The following IL10RA variants were observed in gnomAD, a reference collection of about 807,000 sequenced individuals.
IL10RA encodes the protein interleukin-10 receptor subunit alpha.
Under a neutral mutation model 29.6 loss-of-function variants are expected in IL10RA, and 18 were observed. That is an observed-to-expected ratio of 0.61 (90% CI 0.42 to 0.90). The LOEUF (loss-of-function observed/expected upper bound fraction) is 0.90. Ranked by LOEUF, IL10RA falls within the 40% of genes least tolerant of loss-of-function variation. IL10RA has a pLI of 0.00. For missense variants in IL10RA, 634 were observed against 716.6 expected (o/e 0.88, Z 1.32); for synonymous variants, 292 against 294.1 (o/e 0.99, Z 0.07).
intron 1 of IL10RA, chr11:117,988,162 C>T: frequency 1.7e-6 from 1 of 600,520 alleles, no homozygotes. Flanking sequence ...GCCCCCACTG[C>T]AGCTTCTGAT....
chr11:117,996,694 G>C (rs1362296665), intron 6 of IL10RA, among the ~76,000 whole-genome samples: 1 of 152,220 alleles, frequency 6.6e-6, no homozygotes, highest in African/African-American at 2.4e-5. Context: ...AGGTTCCAGT[G>C]ATTCTCCTGC....
chr11:117,996,632 G>A (rs2058058284), intron 6 of IL10RA, among the ~76,000 whole-genome samples: 2 of 152,204 alleles, frequency 1.3e-5, no homozygotes, highest in African/African-American at 4.8e-5. Flanking sequence ...AAAACAAGAC[G>A]AGAGACAAGT....
chr11:117,997,284 G>A (rs2058062581), intron 6 of IL10RA, among the ~76,000 whole-genome samples: 2 of 152,184 alleles, frequency 1.3e-5, no homozygotes, highest in Admixed American at 6.5e-5. Context: ...TATTTATTGA[G>A]CACCTTCTAT....
chr11:118,002,119 C>T (rs983768189), downstream of IL10RA: 8 of 152,748 alleles, frequency 5.2e-5, no homozygotes, highest in Non-Finnish European at 1.0e-4. Flanking sequence ...AAGCCATCTG[C>T]ACTCTATTCT....
chr11:117,999,646 G>A lies in IL10RA; in HGVS notation c.*5G>A. On this transcript the variant is annotated 3_prime_UTR_variant, in exon 7 of 7. Coordinates refer to ENST00000227752, the MANE Select transcript of IL10RA (RefSeq NM_001558.4). The stretch of plus-strand genomic sequence containing the variant: ...AGCCTGCAGTCAAGTGAGTGACTCG[G>A]GCTGAGAGGCTGCTTTTGATTTTAG... 6.2e-7 allele frequency: 1 copy of A among 1,611,826 alleles called. No individual in the cohort carries two copies. The highest frequency in any genetic ancestry group is 8.5e-7 in the Non-Finnish European group (1 of 1,178,240).
chr11:117,998,178 C>T (rs2058068203), intron 6 of IL10RA, among the ~76,000 whole-genome samples: 1 of 152,116 alleles, frequency 6.6e-6, no homozygotes. Context: ...TGTCTTACAT[C>T]CAGAATTTTA....
At position 117,997,972 on chromosome 11, in the gene IL10RA, C is replaced by T. The variant is rs563112731; in HGVS notation, c.811-743C>T. On this transcript the variant is annotated intron_variant, in intron 6 of 6. Transcript: ENST00000227752. Reference sequence around the variant, plus strand: ...TGTGTGCAAAGGCCCTGAGGCAGCACGGTGCTTGATGTGTTCTGGGACAGA... The same window carrying T: ...TGTGTGCAAAGGCCCTGAGGCAGCATGGTGCTTGATGTGTTCTGGGACAGA... Among the ~76,000 whole-genome samples the T allele has an allele frequency of 7.9e-5, 12 of 152,176 alleles. No individual in the cohort carries two copies. The South Asian group carries it at 8.3e-4, about 11-fold the overall frequency.
intron 6 of IL10RA, 152 bp downstream of exon 6, chr11:117,995,862 G>A (rs1049901897): frequency 8.3e-6 from 7 of 847,548 alleles, no homozygotes; most frequent in East Asian, 2.7e-5. Context: ...TTCATCAAGC[G>A]CTGTGGGGAC....
intron 3 of IL10RA, among the ~76,000 whole-genome samples, chr11:117,991,837 A>G (rs1182498709): frequency 6.6e-6 from 1 of 152,028 alleles, no homozygotes; most frequent in Non-Finnish European, 1.5e-5. Flanking sequence ...CGAGTTCAAG[A>G]GATTCTCTTG....
chr11:117,994,579 T>TA (rs2058044442), intron 5 of IL10RA, among the ~76,000 whole-genome samples: 1 of 152,204 alleles, frequency 6.6e-6, no homozygotes, highest in African/African-American at 2.4e-5. Flanking sequence ...CCAGAGCTGC[T>TA]AAAGTCAGCA....
rs1442855942 is a variant in IL10RA, at chr11:117,986,528, G to A, written c.61G>A (p.Ala21Thr). 6.4e-7 allele frequency: 1 copy of A among 1,554,560 alleles called. No individual in the cohort carries two copies. The highest frequency in any genetic ancestry group is 2.4e-5 in the East Asian group (1 of 41,166). ...CCTCAGCCTCCGTCTTGGCTCAGAC[G>A]CTCATGGTAAGGCTCCGGGACGCGG... ...ALLSLRLGSD[A>T]HGTELPSPPS... Residue 21 changes from alanine (A) to threonine (T), a missense_variant, in exon 1 of 7, where the codon GCT becomes ACT. Ala to Thr is a moderately conservative substitution (Grantham distance 58). Coordinates refer to ENST00000227752, the MANE Select transcript of IL10RA (RefSeq NM_001558.4).
chr11:118,000,548 C>T lies in IL10RA; in HGVS notation c.*907C>T. The stretch of plus-strand genomic sequence containing the variant: ...CCAGCTCATGCCAGCCCCAGAGGGT[C>T]AGGGTTGGAGGCCTGTGCTTGTGTT... On this transcript the variant is annotated 3_prime_UTR_variant, in exon 7 of 7. Coordinates refer to ENST00000227752, the MANE Select transcript of IL10RA (RefSeq NM_001558.4). The T allele has an allele frequency of 2.2e-6, 1 of 454,268 alleles. No homozygotes were observed. The highest frequency in any genetic ancestry group is 4.4e-6 in the Non-Finnish European group (1 of 226,800). 28.1% of individuals were successfully genotyped at this position (454,268 alleles called of 1,614,324 possible). A position where few individuals can be genotyped will look rare whatever the true frequency, so the allele number is the denominator to read the frequency against.
In IL10RA at chr11:118,001,410, G is replaced by T. The variant is rs770944104; in HGVS notation, c.*1769G>T. ...TTCTGCTGAGGAAATGGGTATGAAT[G>T]TGCCTTGAACACAAAGCTCTGTCAA... On this transcript the variant is annotated 3_prime_UTR_variant, in exon 7 of 7. Coordinates refer to ENST00000227752, the MANE Select transcript of IL10RA (RefSeq NM_001558.4). 2.2e-5 allele frequency: 10 copies of T among 451,860 alleles called. No homozygotes were observed. The highest frequency in any genetic ancestry group is 9.4e-5 in the Admixed American group (4 of 42,398). 28.0% of individuals were successfully genotyped at this position (451,860 alleles called of 1,614,324 possible).
chr11:117,993,269 A>G lies in IL10RA; in HGVS notation c.396A>G (p.Leu132=). Residue 132 remains leucine (L), a synonymous_variant, in exon 4 of 7, where the codon CTA becomes CTG. Transcript: ENST00000227752. ...EVTLTVGSVN[L]EIHNGFILGK... ...CTCTGACAGTTGGCAGTGTGAACCTAGAGATCCACAATGGCTTCATCCTCG... is the reference window on the plus strand; with the variant it reads ...CTCTGACAGTTGGCAGTGTGAACCTGGAGATCCACAATGGCTTCATCCTCG... 1 of 1,613,578 alleles carries G rather than the reference A, an allele frequency of 6.2e-7. No homozygotes were observed. The highest frequency in any genetic ancestry group is 8.5e-7 in the Non-Finnish European group (1 of 1,179,594).
At position 118,001,363 on chromosome 11, in the gene IL10RA, T is replaced by C. The variant is rs886047714; in HGVS notation, c.*1722T>C. 9.0e-5 allele frequency: 41 copies of C among 454,228 alleles called. No individual in the cohort carries two copies. The East Asian group carries it at 2.3e-3, about 26-fold the overall frequency. The allele number at this position is 454,228 out of a possible 1,614,324, so 28.1% of individuals were successfully genotyped here. On this transcript the variant is annotated 3_prime_UTR_variant, in exon 7 of 7. Coordinates refer to ENST00000227752, the MANE Select transcript of IL10RA (RefSeq NM_001558.4). ...CATCTGCAGAATAATGACTGACTTG[T>C]CTAATTCGTAGGGATGTGAGGTTCT...
chr11:117,988,711 A>G (rs1018770824), intron 2 of IL10RA, among the ~76,000 whole-genome samples: 1 of 152,006 alleles, frequency 6.6e-6, no homozygotes, highest in Admixed American at 6.6e-5. Flanking sequence ...GCCTTTGCTC[A>G]CTCCAGAGTA....
intron 3 of IL10RA, chr11:117,992,917 C>T: frequency 2.9e-6 from 1 of 346,868 alleles, no homozygotes; most frequent in South Asian, 3.0e-5. Flanking sequence ...TGTGAATATC[C>T]AGTTTTCCCA....
chr11:117,989,681 G>A lies in IL10RA; in HGVS notation c.367+61G>A, dbSNP rs1164238588. 1.3e-6 allele frequency: 2 copies of A among 1,530,452 alleles called. No individual in the cohort carries two copies. The highest frequency in any genetic ancestry group is 1.4e-5 in the African/African-American group (1 of 73,174). The allele number at this position is 1,530,452 out of a possible 1,614,324, so 94.8% of individuals were successfully genotyped here. A position where few individuals can be genotyped will look rare whatever the true frequency, so the allele number is the denominator to read the frequency against. On this transcript the variant is annotated intron_variant, in intron 3 of 6. Coordinates refer to ENST00000227752, the MANE Select transcript of IL10RA (RefSeq NM_001558.4). The surrounding 1 kb of genome is among the most constrained non-coding windows in gnomAD (Gnocchi z 4.5). ...AAGTCCCTTCCAGCCAGGAACTCTA[G>A]TCTAGAGCTTTTCTGTCTATTACCA...
chr11:117,986,771 C>T (rs1206251809), intron 1 of IL10RA: 1 of 1,529,924 alleles, frequency 6.5e-7, no homozygotes, highest in Admixed American at 2.0e-5. Flanking sequence ...AGGCCAAACC[C>T]CCAACCCGCA....
Sources: gnomAD v4.1 joint callset for allele counts (sites outside exome capture counted in the v4.1 genomes callset) on GRCh38, gnomAD v4.1.1 for gene constraint, Gnocchi (gnomAD v3.1) non-coding constraint, MANE v1.5 for transcripts, NCBI Gene and HGNC (gene_info 2026-07-23, HGNC 2026-07-21) for gene names.